The following MSI1 variants were observed in gnomAD, a reference collection of about 807,000 sequenced individuals.
MSI1 encodes the protein musashi RNA binding protein 1.
Under a neutral mutation model 54.4 loss-of-function variants are expected in MSI1, and 15 were observed. The observed-to-expected ratio is 0.28, with a 90% CI of 0.18 to 0.42. MSI1 has a LOEUF of 0.42. Ranked by LOEUF, MSI1 falls within the 20% of genes least tolerant of loss-of-function variation. MSI1 has a pLI of 1.00. For synonymous variants in MSI1, 200 were observed against 196.5 expected (o/e 1.02, Z -0.15); for missense variants, 304 against 506.0 (o/e 0.60, Z 3.83).
intron 9 of MSI1, 41 bp from the exon 10 acceptor site, chr12:120,353,420 G>A (rs1874815498): frequency 1.3e-6 from 2 of 1,580,232 alleles, no homozygotes; most frequent in Admixed American, 1.7e-5. Context: ...CTCATCCACA[G>A]GGCGGATCCT....
At chr12:120,355,742 C>T (rs1436941133) in intron 9 of MSI1, among the ~76,000 whole-genome samples, 3 of 152,042 alleles carry the variant, frequency 2.0e-5, no homozygotes, top group Non-Finnish European at 2.9e-5. Flanking sequence ...TTTTGCAGCT[C>T]CTCTGAGTTT....
At position 120,346,307 on chromosome 12, in the gene MSI1, G is replaced by A. The variant is rs538550275; in HGVS notation, c.875C>T (p.Thr292Met). Reference sequence around the variant, plus strand: ...AGTCGAACCTGGAGGGGGAGCCATCGTCCAGGGGTGAGAGCCTGGCAACCC... The same window carrying A: ...AGTCGAACCTGGAGGGGGAGCCATCATCCAGGGGTGAGAGCCTGGCAACCC... ...VVRGTGSHPWTMAPPPGSTPS... is the reference protein window; with the variant it reads ...VVRGTGSHPWMMAPPPGSTPS... Residue 292 changes from threonine (T) to methionine (M), a missense_variant, in exon 13 of 15, where the codon ACG becomes ATG. Coordinates refer to ENST00000257552, the MANE Select transcript of MSI1 (RefSeq NM_002442.4). 6.6e-5 allele frequency: 103 copies of A among 1,557,062 alleles called. 2 individuals are homozygous for A. The South Asian group carries it at 1.0e-3, about 16-fold the overall frequency.
At chr12:120,346,984 C>G (rs931250918) in intron 12 of MSI1, among the ~76,000 whole-genome samples, 1 of 151,952 alleles carries the variant, frequency 6.6e-6, no homozygotes, top group African/African-American at 2.4e-5. Flanking sequence ...GAGTCTCACT[C>G]TGTTGCCCAG....
In MSI1 at chr12:120,359,628, G is replaced by C. The variant is rs551469855; in HGVS notation, c.403-575C>G. Among the ~76,000 whole-genome samples the C allele has an allele frequency of 7.9e-5, 12 of 152,254 alleles. No homozygotes were observed. The East Asian group carries it at 2.3e-3, about 29-fold the overall frequency. ...CTCCCACTGACTGGGGGAAGGGAAG[G>C]AGACTGGGAAAGGGGGAGGATCTAC... On this transcript the variant is annotated intron_variant, in intron 6 of 14. Transcript: ENST00000257552.
At chr12:120,356,336 C>T (rs886935376) in intron 9 of MSI1, among the ~76,000 whole-genome samples, 1 of 152,142 alleles carries the variant, frequency 6.6e-6, no homozygotes, top group Non-Finnish European at 1.5e-5. Context: ...GAACACTTTT[C>T]CCCTTCCCGT....
At chr12:120,347,183 C>T (rs1874201620) in intron 12 of MSI1, among the ~76,000 whole-genome samples, 1 of 152,206 alleles carries the variant, frequency 6.6e-6, no homozygotes, top group East Asian at 1.9e-4. Context: ...CTCCTGACCT[C>T]AGGTGATCTG....
At chr12:120,357,673 T>G in intron 8 of MSI1, 143 bp downstream of exon 8, 4 of 748,786 alleles carry the variant, frequency 5.3e-6, no homozygotes, top group Non-Finnish European at 6.6e-6. Context: ...GCCTGGCTAA[T>G]TTTTGTATTT....
rs1876132760 is a variant in MSI1 at position 120,368,127 on chromosome 12, C to T, written c.183-35G>A. 1 of 1,608,576 alleles carries T rather than the reference C, an allele frequency of 6.2e-7. No homozygotes were observed. The highest frequency in any genetic ancestry group is 8.5e-7 in the Non-Finnish European group (1 of 1,177,534). ...GTAGTGAGGGAGAGGCAGATGGTTA[C>T]AAGGCAGTGAGTGGCGGGTGGAGGG... On this transcript the variant is annotated intron_variant, in intron 3 of 14. Transcript: ENST00000257552. This position sits in a 1 kb window ranked among gnomAD's most constrained non-coding sequence, Gnocchi z 6.6.
In MSI1 at chr12:120,368,329, C is replaced by A. The variant is rs1456870555; in HGVS notation, c.101-56G>T. The stretch of plus-strand genomic sequence containing the variant: ...CCGGGCCCCGCGCCCTTCCCCCCCC[C>A]CCGTCCTTTGCCCCCGGTGACCCCG... On this transcript the variant is annotated intron_variant, in intron 2 of 14. Coordinates refer to ENST00000257552, the MANE Select transcript of MSI1 (RefSeq NM_002442.4). The surrounding 1 kb of genome is among the most constrained non-coding windows in gnomAD (Gnocchi z 6.6). The A allele has an allele frequency of 9.2e-6, 14 of 1,530,038 alleles. No individual in the cohort carries two copies. The highest frequency in any genetic ancestry group is 2.5e-5 in the East Asian group (1 of 40,598). 94.8% of individuals were successfully genotyped at this position (1,530,038 alleles called of 1,614,324 possible). A position where few individuals can be genotyped will look rare whatever the true frequency, so the allele number is the denominator to read the frequency against.
intron 9 of MSI1, among the ~76,000 whole-genome samples, chr12:120,355,902 C>T (rs1357063660): frequency 6.6e-6 from 1 of 151,948 alleles, no homozygotes; most frequent in Non-Finnish European, 1.5e-5. Flanking sequence ...TCTCTGTGTG[C>T]CACTCCCCCA....
chr12:120,339,843 A>G (rs1237150836), downstream of MSI1, among the ~76,000 whole-genome samples: 1 of 151,044 alleles, frequency 6.6e-6, no homozygotes, highest in Non-Finnish European at 1.5e-5. Flanking sequence ...CAGTGGTGCA[A>G]TCTCAGCTCA....
At position 120,346,171 on chromosome 12, in the gene MSI1, G is replaced by T; in HGVS notation, c.1011C>A (p.Ser337Arg). ...SGVSSYISAA[S>R]PAPSTGFGHS... Reference sequence around the variant, plus strand: ...GGCCGAAGCCGGTGCTGGGGGCAGGGCTGGCGGCGCTGATGTAACTGCTGA... The same window carrying T: ...GGCCGAAGCCGGTGCTGGGGGCAGGTCTGGCGGCGCTGATGTAACTGCTGA... The change falls in exon 13 of 15, where the codon AGC (serine) becomes AGA (arginine). Residue 337 changes from serine (S) to arginine (R), a missense_variant. This residue lies in a region of MSI1 where 147 missense variants were observed against 231.5 expected (regional missense o/e 0.64). Coordinates refer to ENST00000257552, the MANE Select transcript of MSI1 (RefSeq NM_002442.4). 6.3e-7 allele frequency: 1 copy of T among 1,596,406 alleles called. No homozygotes were observed. The highest frequency in any genetic ancestry group is 1.1e-5 in the South Asian group (1 of 88,130).
intron 10 of MSI1, among the ~76,000 whole-genome samples, chr12:120,351,777 C>T (rs1170765726): frequency 6.7e-6 from 1 of 148,774 alleles, no homozygotes; most frequent in African/African-American, 2.5e-5. Context: ...GGCGCGATCT[C>T]GGCTCACTGC....
In MSI1 at chr12:120,359,068, G is replaced by A. The variant is rs748556200; in HGVS notation, c.403-15C>T. On this transcript the variant is annotated splice_polypyrimidine_tract_variant and intron_variant, in intron 6 of 14. Coordinates refer to ENST00000257552, the MANE Select transcript of MSI1 (RefSeq NM_002442.4). ...GCGTCGTCCACCTGAAACACAGCCC[G>A]CCATGGAGGACCCAGCAGATACCAG... The A allele has an allele frequency of 8.4e-6, 13 of 1,553,526 alleles. No individual in the cohort carries two copies. Among genetic ancestry groups the A allele is most frequent in the Middle Eastern group, 1.7e-4 (1 of 6,014 alleles).
chr12:120,367,519 C>T (rs1876089663), intron 4 of MSI1, among the ~76,000 whole-genome samples: 1 of 152,052 alleles, frequency 6.6e-6, no homozygotes, highest in African/African-American at 2.4e-5. Flanking sequence ...GCAAGGAGCT[C>T]ATTGACCAAA....
At chr12:120,353,469 C>T (rs1480460879) in intron 9 of MSI1, 90 bp from the exon 10 acceptor site, 2 of 1,150,014 alleles carry the variant, frequency 1.7e-6, no homozygotes, top group Non-Finnish European at 2.6e-6. Flanking sequence ...TGTCCCCTCA[C>T]CTTCCTTTAT....
At chr12:120,351,474 C>T in intron 10 of MSI1, 74 bp from the exon 11 acceptor site, 5 of 1,369,656 alleles carry the variant, frequency 3.7e-6, no homozygotes, top group South Asian at 1.2e-5. Context: ...AGGACAAATG[C>T]ACCCACAGGG....
At chr12:120,357,585 A>C (rs1448101272) in intron 8 of MSI1, among the ~76,000 whole-genome samples, 2 of 152,188 alleles carry the variant, frequency 1.3e-5, no homozygotes, top group Non-Finnish European at 2.9e-5. Context: ...AGCTCACTGC[A>C]ACCTCCACCT....
In MSI1 at chr12:120,356,956, A is replaced by G. The variant is rs1875183205; in HGVS notation, c.598T>C (p.Ser200Pro). ...MSPTGSARGR[S>P]RVMPYGMDAF... ...TCCATTCCGTAGGGCATGACTCGAG[A>G]CCTCCCCCGGGCTGAGCCCGTTGGC... is the stretch of plus-strand genomic sequence containing the variant. The change falls in exon 9 of 15, where the codon TCT (serine) becomes CCT (proline). Residue 200 changes from serine to proline, a missense_variant. Ser to Pro is a moderately conservative substitution (Grantham distance 74, BLOSUM62 -1). Around this residue, in one of 4 missense-constraint regions of MSI1, gnomAD observed 22 missense variants for 19.6 expected, o/e 1.12. Coordinates refer to ENST00000257552, the MANE Select transcript of MSI1 (RefSeq NM_002442.4). 6.2e-7 allele frequency: 1 copy of G among 1,613,600 alleles called. No homozygotes were observed. The highest frequency in any genetic ancestry group is 8.5e-7 in the Non-Finnish European group (1 of 1,179,932).
Sources: gnomAD v4.1 joint callset for allele counts (sites outside exome capture counted in the v4.1 genomes callset) on GRCh38, gnomAD v4.1.1 for gene constraint, gnomAD v4.1.1 regional missense constraint, Gnocchi (gnomAD v3.1) non-coding constraint, MANE v1.5 for transcripts, NCBI Gene and HGNC (gene_info 2026-07-23, HGNC 2026-07-21) for gene names.